The following IL3RA variants were observed in gnomAD, a reference collection of about 807,000 sequenced individuals.
IL3RA encodes the protein interleukin 3 receptor subunit alpha.
Under a neutral mutation model 52.3 loss-of-function variants are expected in IL3RA, and 73 were observed. The observed-to-expected ratio is 1.40, with a 90% CI of 1.16 to 1.70. The LOEUF is 1.70. IL3RA is among the 40% of genes most tolerant of loss of function. The probability of loss-of-function intolerance (pLI) is 0.00; values close to 1 mark genes in which losing one functional copy is unlikely to be tolerated. For synonymous variants in IL3RA, 260 were observed against 194.0 expected, an observed-to-expected ratio of 1.34 and a Z score of -2.83; for missense variants, 664 against 504.4, an observed-to-expected ratio of 1.32 and a Z score of -3.03.
chrX:1,348,644 C>CTCTCTCTTTCTT lies in IL3RA; in HGVS notation c.298+102_298+103insCTCTTTCTTTCT. 3 of 496,242 alleles carry CTCTCTCTTTCTT rather than the reference C, an allele frequency of 6.0e-6. 1 individual carries two copies. The highest frequency in any genetic ancestry group is 1.0e-5 in the Non-Finnish European group (3 of 292,114). 30.7% of individuals were successfully genotyped at this position (496,242 alleles called of 1,614,324 possible). ...GCTGTGTCTTTTTTCTTTTCTTTTT[C>CTCTCTCTTTCTT]TCTTTCTTTCTTTCTTTCTTTCTTT... On this transcript the variant is annotated intron_variant, in intron 4 of 11. Transcript: ENST00000331035.
chrX:1,359,235 C>G (rs2086979212), intron 8 of IL3RA, among the ~76,000 whole-genome samples: 1 of 151,944 alleles, frequency 6.6e-6, no homozygotes, highest in Non-Finnish European at 1.5e-5. Context: ...ATTCCTTACC[C>G]TGGGCCAGGC....
intron 10 of IL3RA, among the ~76,000 whole-genome samples, chrX:1,380,108 G>A (rs2089071759): frequency 1.3e-5 from 2 of 151,786 alleles, no homozygotes; most frequent in African/African-American, 4.8e-5. Flanking sequence ...TGATCAGGCT[G>A]GTCTTGAACT....
At chrX:1,348,889 C>A (rs866954539) in intron 4 of IL3RA, among the ~76,000 whole-genome samples, 2 of 111,930 alleles carry the variant, frequency 1.8e-5, no homozygotes, top group Admixed American at 2.0e-4. Flanking sequence ...CTTTCGTTTT[C>A]TTTTCCTCCC....
intron 7 of IL3RA, among the ~76,000 whole-genome samples, chrX:1,356,574 C>T (rs2086735794): frequency 6.6e-6 from 1 of 152,086 alleles, no homozygotes; most frequent in Non-Finnish European, 1.5e-5. Context: ...TCGAGACCAT[C>T]CTGGCTAACG....
chrX:1,344,840 C>CA (rs1252226419), intron 2 of IL3RA, among the ~76,000 whole-genome samples: 11 of 149,552 alleles, frequency 7.4e-5, no homozygotes, highest in Non-Finnish European at 7.4e-5. Context: ...ACTCCACGGG[C>CA]AAAAAAACCA....
In IL3RA at chrX:1,366,568, C is replaced by A. The variant is rs1354234556; in HGVS notation, c.874+1316C>A. 9.8e-4 allele frequency among the ~76,000 whole-genome samples: 37 copies of A among 37,832 alleles called. 1 individual carries two copies. The highest frequency in any genetic ancestry group is 4.1e-3 in the South Asian group (4 of 964). 24.8% of individuals were successfully genotyped at this position (37,832 alleles called of 152,430 possible). ...GGGTGAGCCGGGTGCGCGGGGTGAG[C>A]CGGGTGAGCGGGGTGAGCGGGGTGC... On this transcript the variant is annotated intron_variant, in intron 9 of 11. Transcript: ENST00000331035.
intron 3 of IL3RA, among the ~76,000 whole-genome samples, chrX:1,348,071 G>GCA (rs1253156166): frequency 2.0e-5 from 3 of 148,970 alleles, no homozygotes; most frequent in Non-Finnish European, 4.4e-5. Flanking sequence ...TCTTGGCCGG[G>GCA]CACGGTGGCT....
intron 4 of IL3RA, among the ~76,000 whole-genome samples, chrX:1,351,457 T>C (rs1233340284): frequency 6.6e-6 from 1 of 151,080 alleles, no homozygotes; most frequent in African/African-American, 2.4e-5. Context: ...GCCTCCCTAG[T>C]AGCTGGGATT....
At chrX:1,378,610 C>T (rs751108045) in intron 9 of IL3RA, 49 bp from the exon 10 acceptor site, 4 of 1,493,964 alleles carry the variant, frequency 2.7e-6, no homozygotes, top group African/African-American at 1.4e-5. Flanking sequence ...AGTCCCTGGT[C>T]CCCCCAGGAC....
rs776418490 is a variant in IL3RA at position 1,351,625 on chromosome X, G to A, written c.299-475G>A. On this transcript the variant is annotated intron_variant, in intron 4 of 11. Coordinates refer to ENST00000331035, the MANE Select transcript of IL3RA (RefSeq NM_002183.4). Reference sequence around the variant, plus strand: ...ATTACAGGCGTGAGCCACCATGCCTGGGTTTGTTTTTTTATTTTTTTGAGA... The same window carrying A: ...ATTACAGGCGTGAGCCACCATGCCTAGGTTTGTTTTTTTATTTTTTTGAGA... 2.2e-5 allele frequency among the ~76,000 whole-genome samples: 3 copies of A among 135,214 alleles called. No individual in the cohort carries two copies. The South Asian group carries it at 7.3e-4, about 33-fold the overall frequency. 88.7% of individuals were successfully genotyped at this position (135,214 alleles called of 152,430 possible).
rs781631774 is a variant in IL3RA, at chrX:1,381,065, GA to G, written c.1026del (p.Asp343ThrfsTer27). On this transcript the variant is annotated frameshift_variant, in exon 11 of 12. Coordinates refer to ENST00000331035, the MANE Select transcript of IL3RA (RefSeq NM_002183.4). LOFTEE classifies it high-confidence loss of function. ...QRLFPRIPHMKDPIGDSFQND... is the reference protein window; with the variant it reads ...QRLFPRIPHMXDPIGDSFQND... Reference sequence around the variant, plus strand: ...GACTCTTTCCCCGCATCCCTCACATGAAAGACCCCATCGGTGACAGCTTCCA... The same window carrying G: ...GACTCTTTCCCCGCATCCCTCACATGAAGACCCCATCGGTGACAGCTTCCA... The G allele has an allele frequency of 6.2e-6, 10 of 1,613,858 alleles. No homozygotes were observed. Among genetic ancestry groups the G allele is most frequent in the Non-Finnish European group, 8.5e-6 (10 of 1,179,822 alleles).
At chrX:1,380,918 G>A (rs1399472075) in intron 10 of IL3RA, 105 bp from the exon 11 acceptor site, 4 of 948,768 alleles carry the variant, frequency 4.2e-6, no homozygotes, top group Non-Finnish European at 6.8e-6. Flanking sequence ...GATGACTTGA[G>A]TCTTTTGCTC....
chrX:1,349,184 C>T (rs2085962354), intron 4 of IL3RA, among the ~76,000 whole-genome samples: 2 of 99,300 alleles, frequency 2.0e-5, no homozygotes, highest in East Asian at 2.2e-4. Flanking sequence ...ATTTTTTAAA[C>T]ACCTTTTTTT....
intron 1 of IL3RA, among the ~76,000 whole-genome samples, chrX:1,340,659 A>C (rs2085453741): frequency 6.6e-6 from 1 of 152,214 alleles, no homozygotes; most frequent in South Asian, 2.1e-4. Context: ...ATGCATTCAA[A>C]CACAAAGACT....
Position 1,381,108 on chromosome X carries a change from T to C in IL3RA, c.1062+4T>C, listed in dbSNP as rs2089158952. On this transcript the variant is annotated splice_donor_region_variant and intron_variant, in intron 11 of 11. Transcript: ENST00000331035. ...CAGCTTCCAAAACGACAAGCTGGTA[T>C]GTTGTTTTTTCTGCCTTGGGACGGG... 1.9e-6 allele frequency: 3 copies of C among 1,613,640 alleles called. No homozygotes were observed. The African/African-American group carries it at 4.0e-5, about 22-fold the overall frequency.
intron 9 of IL3RA, among the ~76,000 whole-genome samples, chrX:1,377,018 T>C: frequency 6.7e-6 from 1 of 148,166 alleles, no homozygotes; most frequent in Non-Finnish European, 1.5e-5. Context: ...TGGTATTCTG[T>C]GACAGCAGCC....
chrX:1,348,429 A>C lies in IL3RA; in HGVS notation c.184-2A>C. The C allele has an allele frequency of 6.2e-7, 1 of 1,605,770 alleles. No homozygotes were observed. Among genetic ancestry groups the C allele is most frequent in the South Asian group, 1.1e-5 (1 of 90,930 alleles). On this transcript the variant is annotated splice_acceptor_variant, in intron 3 of 11. Coordinates refer to ENST00000331035, the MANE Select transcript of IL3RA (RefSeq NM_002183.4). LOFTEE classifies it high-confidence loss of function. ...GCCATCATAGTCCTATGTCTCTCTT[A>C]GGCAGTGAACAATAGCTATTGCCAG...
intron 9 of IL3RA, among the ~76,000 whole-genome samples, chrX:1,367,158 C>A (rs1397642535): frequency 5.1e-5 from 1 of 19,528 alleles, no homozygotes; most frequent in Non-Finnish European, 7.7e-5. Flanking sequence ...GAGCGGGGTG[C>A]GCGGGGTGAG....
chrX:1,349,415 C>CAA (rs1390116550), intron 4 of IL3RA, among the ~76,000 whole-genome samples: 1 of 151,822 alleles, frequency 6.6e-6, no homozygotes, highest in Non-Finnish European at 1.5e-5. Context: ...CTCCTGACTT[C>CAA]GTGATCTGCC....
Sources: allele counts gnomAD v4.1 joint callset (sites outside exome capture counted in the v4.1 genomes callset), GRCh38; gene constraint gnomAD v4.1.1; transcripts MANE v1.5; gene names NCBI Gene and HGNC (gene_info 2026-07-23, HGNC 2026-07-21).